The following CPB2 variants were observed in gnomAD, a reference collection of about 807,000 sequenced individuals.
The protein encoded by CPB2 is carboxypeptidase B2.
In CPB2, 54 loss-of-function variants were observed where a neutral mutation model predicts 57.0. The ratio of observed to expected loss-of-function variants is 0.95; its 90% CI spans 0.76 to 1.19. The LOEUF is 1.19. Among genes scored for constraint, CPB2 ranks in the 50% most tolerant of loss-of-function variants. The pLI is 0.00. For synonymous variants in CPB2, 189 were observed against 178.1 expected (o/e 1.06, Z -0.49); for missense variants, 426 against 512.0 (o/e 0.83, Z 1.62).
In CPB2 at chr13:46,070,119, T is replaced by C. The variant is rs529571626; in HGVS notation, c.592-2702A>G. 6.6e-5 allele frequency among the ~76,000 whole-genome samples: 10 copies of C among 152,304 alleles called. No homozygotes were observed. The East Asian group carries it at 1.9e-3, about 29-fold the overall frequency. ...AAACCATACCCATGCCACCATTCCA[T>C]TTTTCAGTTTTAGTGCAGTATTTAA... On this transcript the variant is annotated intron_variant, in intron 6 of 10. Coordinates refer to ENST00000181383, the MANE Select transcript of CPB2 (RefSeq NM_001872.5).
chr13:46,060,033 T>G lies in CPB2; in HGVS notation c.797-1652A>C, dbSNP rs1003715361. Among the ~76,000 whole-genome samples, 3 of 152,112 alleles carry G rather than the reference T, an allele frequency of 2.0e-5. No homozygotes were observed. In the South Asian group the frequency reaches 6.2e-4, roughly 31 times the overall value. ...TAGAGAATAGAGATTATATATTGGG[T>G]ATGGAGGTCGGGGAAGACATAACCA... On this transcript the variant is annotated intron_variant, in intron 8 of 10. Transcript: ENST00000181383.
At chr13:46,084,423 G>A in intron 2 of CPB2, 80 bp from the exon 3 acceptor site, 1 of 1,502,892 alleles carries the variant, frequency 6.7e-7, no homozygotes, top group Admixed American at 1.8e-5. Flanking sequence ...AGCCATGACA[G>A]TTTTATCTAT....
At chr13:46,056,118 T>A (rs1305771427) in intron 9 of CPB2, among the ~76,000 whole-genome samples, 1 of 152,004 alleles carries the variant, frequency 6.6e-6, no homozygotes, top group African/African-American at 2.4e-5. Context: ...CAGAAAAAAA[T>A]TATCACATGC....
chr13:46,076,396 CA>C (rs35145884), intron 5 of CPB2, among the ~76,000 whole-genome samples: 40 of 145,056 alleles, frequency 2.8e-4, no homozygotes, highest in African/African-American at 6.0e-4. Flanking sequence ...TTACAATGAC[CA>C]AAAAAAAAAA....
Position 46,055,824 on chromosome 13 carries a change from C to A in CPB2, c.1025G>T (p.Arg342Leu). 6.2e-7 allele frequency: 1 copy of A among 1,600,358 alleles called. No individual in the cohort carries two copies. The highest frequency in any genetic ancestry group is 8.5e-7 in the Non-Finnish European group (1 of 1,170,948). The stretch of plus-strand genomic sequence containing the variant: ...ATTTTTACTAATTTTCTCAATAGCA[C>A]GAACTGCTTCACTGGCTACTAGAGA... ...ELSLVASEAV[R>L]AIEKISKNTR... The change falls in exon 10 of 11, where the codon CGT becomes CTT. Residue 342 changes from arginine to leucine, a missense_variant. By Grantham distance (102) the Arg-to-Leu change is moderately radical (BLOSUM62 -2). Coordinates refer to ENST00000181383, the MANE Select transcript of CPB2 (RefSeq NM_001872.5).
At chr13:46,067,226 C>A (rs2044870184) in intron 7 of CPB2, 81 bp downstream of exon 7, 8 of 675,076 alleles carry the variant, frequency 1.2e-5, no homozygotes, top group Non-Finnish European at 1.3e-5. Context: ...TGCCTAGATC[C>A]AGAATTCTAT....
intron 1 of CPB2, among the ~76,000 whole-genome samples, chr13:46,089,337 G>C (rs747842888): frequency 6.6e-6 from 1 of 152,190 alleles, no homozygotes; most frequent in East Asian, 1.9e-4. Context: ...CCAGCCTTCC[G>C]TGTGGTTGTG....
At chr13:46,054,372 A>G (rs533477991) in intron 10 of CPB2, among the ~76,000 whole-genome samples, 1 of 151,890 alleles carries the variant, frequency 6.6e-6, no homozygotes, top group African/African-American at 2.4e-5. Context: ...TTCTCCTTTC[A>G]TTCATTTCTC....
intron 6 of CPB2, among the ~76,000 whole-genome samples, chr13:46,071,108 G>A (rs932199107): frequency 2.6e-5 from 4 of 152,148 alleles, no homozygotes; most frequent in Non-Finnish European, 5.9e-5. Flanking sequence ...GAAAAAGGAT[G>A]GTTAATTCTG....
At chr13:46,088,657 G>T (rs2139405809) in intron 1 of CPB2, among the ~76,000 whole-genome samples, 1 of 152,160 alleles carries the variant, frequency 6.6e-6, no homozygotes, top group African/African-American at 2.4e-5. Flanking sequence ...CTTCCTCCTT[G>T]CCAATACCTG....
intron 1 of CPB2, chr13:46,099,171 A>G (rs1306879434): frequency 2.6e-5 from 4 of 152,214 alleles, no homozygotes; most frequent in African/African-American, 9.7e-5. Flanking sequence ...ATTGGAGATG[A>G]AACATCATAA....
Position 46,081,139 on chromosome 13 carries a change from A to G in CPB2, c.384+1302T>C, listed in dbSNP as rs1006244965. Among the ~76,000 whole-genome samples, 3 of 152,120 alleles carry G rather than the reference A, an allele frequency of 2.0e-5. No individual in the cohort carries two copies. The South Asian group carries it at 6.2e-4, about 32-fold the overall frequency. ...AAAACAAATTTCTGTGATTTCAGCT[A>G]CACAGTCTGTGGTATTTTATTACCA... On this transcript the variant is annotated intron_variant, in intron 4 of 10. Transcript: ENST00000181383.
intron 6 of CPB2, among the ~76,000 whole-genome samples, chr13:46,072,533 T>C (rs1423854602): frequency 3.3e-5 from 5 of 152,216 alleles, no homozygotes; most frequent in African/African-American, 4.8e-5. Context: ...GGCTATATTT[T>C]GTTCATCCTT....
chr13:46,077,692 T>C (rs962884129), intron 5 of CPB2, among the ~76,000 whole-genome samples: 1 of 56,082 alleles, frequency 1.8e-5, no homozygotes, highest in African/African-American at 1.1e-4. Flanking sequence ...CTTCAACAGA[T>C]GAATGATAAA....
chr13:46,074,969 A>G (rs1056204874), intron 5 of CPB2, among the ~76,000 whole-genome samples: 1 of 152,310 alleles, frequency 6.6e-6, no homozygotes, highest in South Asian at 2.1e-4. Context: ...CTCGCTGGCT[A>G]TTCATCTCCA....
At chr13:46,094,105 T>A (rs2045332350) in intron 1 of CPB2, among the ~76,000 whole-genome samples, 1 of 152,166 alleles carries the variant, frequency 6.6e-6, no homozygotes, top group African/African-American at 2.4e-5. Flanking sequence ...AACCCTCTCA[T>A]CTCACCAGCA....
At chr13:46,075,482 G>A (rs777052548) in intron 5 of CPB2, among the ~76,000 whole-genome samples, 3 of 152,208 alleles carry the variant, frequency 2.0e-5, no homozygotes, top group African/African-American at 7.2e-5. Flanking sequence ...ACGTGTACAG[G>A]TTCCAGATAA....
intron 8 of CPB2, among the ~76,000 whole-genome samples, chr13:46,064,116 C>T (rs2044816936): frequency 6.6e-6 from 1 of 151,868 alleles, no homozygotes; most frequent in Non-Finnish European, 1.5e-5. Flanking sequence ...CAAAAATTAG[C>T]CAGGCACGGT....
chr13:46,090,609 G>A (rs374513837), intron 1 of CPB2, among the ~76,000 whole-genome samples: 59 of 151,816 alleles, frequency 3.9e-4, no homozygotes, highest in Middle Eastern at 3.4e-3. Context: ...TGATCCACCC[G>A]CCTCAGCCTC....
Sources: allele counts gnomAD v4.1 joint callset (sites outside exome capture counted in the v4.1 genomes callset), GRCh38; gene constraint gnomAD v4.1.1; transcripts MANE v1.5; gene names NCBI Gene and HGNC (gene_info 2026-07-23, HGNC 2026-07-21).